Variants in NXPE2 observed in about 807,000 individuals in gnomAD.
NXPE2 encodes the protein neurexophilin and PC-esterase domain family member 2.
In NXPE2, 34 loss-of-function variants were observed where a neutral mutation model predicts 34.4. The ratio of observed to expected loss-of-function variants is 0.99; its 90% CI spans 0.75 to 1.31. The LOEUF (loss-of-function observed/expected upper bound fraction) is 1.31, where lower values mean the gene tolerates loss of function less well. Ranked by LOEUF, NXPE2 falls within the 40% of genes most tolerant of loss-of-function variation. The pLI, the probability that NXPE2 is intolerant of heterozygous loss-of-function variation, is 0.00. For missense variants in NXPE2, 649 were observed against 672.5 expected, an observed-to-expected ratio of 0.97 and a Z score of 0.39; for synonymous variants, 235 against 231.3, an observed-to-expected ratio of 1.02 and a Z score of -0.15.
At chr11:114,799,311 A>G in the NXPE2 span, among the ~76,000 whole-genome samples, 85,268 of 132,734 alleles carry the variant, frequency 0.64, 27,298 homozygotes, top group East Asian at 0.74. Context: ...AAAAAAAAAA[A>G]AAAATTGGTG....
chr11:114,507,498 A>G, the NXPE2 span, among the ~76,000 whole-genome samples: 1 of 152,190 alleles, frequency 6.6e-6, no homozygotes, highest in Non-Finnish European at 1.5e-5. Flanking sequence ...CTTGAACAAA[A>G]TACTTGCAAA....
chr11:114,740,486 G>C, the NXPE2 span, among the ~76,000 whole-genome samples: 1 of 152,116 alleles, frequency 6.6e-6, no homozygotes, highest in Non-Finnish European at 1.5e-5. Flanking sequence ...ATACCCAGAA[G>C]TGGGATTGTT....
chr11:114,608,224 A>T, the NXPE2 span, among the ~76,000 whole-genome samples: 3 of 149,714 alleles, frequency 2.0e-5, no homozygotes, highest in African/African-American at 7.4e-5. Context: ...GTGTTGCCTC[A>T]TGGGTAACAA....
At chr11:114,745,148 T>G in the NXPE2 span, among the ~76,000 whole-genome samples, 1 of 152,158 alleles carries the variant, frequency 6.6e-6, no homozygotes, top group Non-Finnish European at 1.5e-5. Flanking sequence ...AGCTTTAAGA[T>G]CTGTCTTAGT....
the NXPE2 span, among the ~76,000 whole-genome samples, chr11:114,561,819 C>T: frequency 2.6e-5 from 4 of 152,140 alleles, no homozygotes; most frequent in Admixed American, 6.6e-5. Flanking sequence ...GATCTAATAT[C>T]TGTTAACTTT....
chr11:114,666,432 A>C, the NXPE2 span, among the ~76,000 whole-genome samples: 2 of 152,148 alleles, frequency 1.3e-5, no homozygotes, highest in African/African-American at 4.8e-5. Flanking sequence ...ATTCAATTTG[A>C]TTATTACTAT....
At chr11:114,729,497 C>T in the NXPE2 span, among the ~76,000 whole-genome samples, 4 of 152,142 alleles carry the variant, frequency 2.6e-5, no homozygotes, top group African/African-American at 4.8e-5. Flanking sequence ...CTGCTTTCCA[C>T]AGTGGCTAAA....
chr11:114,552,722 A>T, the NXPE2 span: 1 of 183,506 alleles, frequency 5.4e-6, no homozygotes, highest in African/African-American at 2.4e-5. Flanking sequence ...CCTAGAAAGT[A>T]GTGCGTATGG....
At position 114,706,391 on chromosome 11, in the gene NXPE2, T is replaced by C; in HGVS notation, c.1145-4T>C. 6.6e-6 allele frequency: 10 copies of C among 1,517,538 alleles called. No individual in the cohort carries two copies. The highest frequency in any genetic ancestry group is 8.8e-6 in the Non-Finnish European group (10 of 1,132,676). 94.0% of individuals were successfully genotyped at this position (1,517,538 alleles called of 1,614,324 possible). A position where few individuals can be genotyped will look rare whatever the true frequency, so the allele number is the denominator to read the frequency against. ...AAAATATTTATTGATTTGTCTTTCA[T>C]CAGCCCTAAAATATTTTGATCATCA... On this transcript the variant is annotated splice_polypyrimidine_tract_variant and splice_region_variant and intron_variant, in intron 5 of 5. Coordinates refer to ENST00000389586, the MANE Select transcript of NXPE2 (RefSeq NM_182495.6).
At chr11:114,615,960 T>C in the NXPE2 span, among the ~76,000 whole-genome samples, 8 of 149,098 alleles carry the variant, frequency 5.4e-5, no homozygotes, top group Non-Finnish European at 5.9e-5. Flanking sequence ...CTGTTACCCA[T>C]TGGATAATAA....
the NXPE2 span, among the ~76,000 whole-genome samples, chr11:114,627,224 C>T: frequency 6.6e-6 from 1 of 152,040 alleles, no homozygotes; most frequent in East Asian, 1.9e-4. Flanking sequence ...TTGTCAGATT[C>T]ACCAAAGTTG....
chr11:114,542,412 A>G, the NXPE2 span, among the ~76,000 whole-genome samples: 2 of 152,166 alleles, frequency 1.3e-5, no homozygotes, highest in African/African-American at 2.4e-5. Flanking sequence ...AACCAACATA[A>G]TTGAAAAGTT....
the NXPE2 span, among the ~76,000 whole-genome samples, chr11:114,748,642 G>T: frequency 6.6e-6 from 1 of 152,092 alleles, no homozygotes; most frequent in Non-Finnish European, 1.5e-5. Context: ...CATTTTGGCA[G>T]GAATATCACA....
At chr11:114,799,694 C>G in the NXPE2 span, among the ~76,000 whole-genome samples, 27 of 152,196 alleles carry the variant, frequency 1.8e-4, no homozygotes, top group Admixed American at 1.8e-3. Flanking sequence ...CCCGTTTAAA[C>G]AGCAACAAGG....
the NXPE2 span, among the ~76,000 whole-genome samples, chr11:114,666,860 G>C: frequency 2.0e-5 from 3 of 151,858 alleles, no homozygotes; most frequent in African/African-American, 7.3e-5. Context: ...AATTACCAAA[G>C]GAAAAACAAA....
chr11:114,793,873 A>G, the NXPE2 span, among the ~76,000 whole-genome samples: 2 of 152,140 alleles, frequency 1.3e-5, no homozygotes, highest in African/African-American at 4.8e-5. Flanking sequence ...ATTTCTCTGC[A>G]GGGCACCTAT....
the NXPE2 span, among the ~76,000 whole-genome samples, chr11:114,475,146 G>A: frequency 5.9e-5 from 8 of 136,094 alleles, no homozygotes; most frequent in East Asian, 2.4e-4. Flanking sequence ...TCATTTCTAC[G>A]TTTGGGTCAG....
the NXPE2 span, among the ~76,000 whole-genome samples, chr11:114,735,267 A>C: frequency 6.6e-6 from 1 of 152,024 alleles, no homozygotes; most frequent in East Asian, 1.9e-4. Flanking sequence ...AAATCTGAGT[A>C]CAATGCTTTC....
At chr11:114,570,745 G>A in the NXPE2 span, 1 of 496,394 alleles carries the variant, frequency 2.0e-6, no homozygotes, top group East Asian at 3.2e-5. Flanking sequence ...AGTATTTTTA[G>A]TTTTATTTTT....
Sources: allele counts gnomAD v4.1 joint callset (sites outside exome capture counted in the v4.1 genomes callset), GRCh38; gene constraint gnomAD v4.1.1; transcripts MANE v1.5; gene names NCBI Gene and HGNC (gene_info 2026-07-23, HGNC 2026-07-21).